Variants in CAMK1D observed in about 807,000 individuals in gnomAD.
CAMK1D encodes calcium/calmodulin-dependent protein kinase type 1D.
In CAMK1D, 9 loss-of-function variants were observed where a neutral mutation model predicts 47.7. The ratio of observed to expected loss-of-function variants is 0.19; its 90% confidence interval spans 0.11 to 0.33. The LOEUF is 0.33. Among genes scored for constraint, CAMK1D ranks in the 10% least tolerant of loss-of-function variants. The pLI is 1.00. For missense variants in CAMK1D, 291 were observed against 488.7 expected (o/e 0.60, Z 3.81); for synonymous variants, 184 against 184.9 (o/e 0.99, Z 0.04).
chr10:12,502,048 A>G (rs753143633), intron 1 of CAMK1D, among the ~76,000 whole-genome samples: 4 of 146,796 alleles, frequency 2.7e-5, no homozygotes, highest in African/African-American at 4.9e-5. Context: ...GGCAGCCACC[A>G]GGGCAGGCAG....
At chr10:12,812,851 G>T (rs77331449) in intron 6 of CAMK1D, among the ~76,000 whole-genome samples, 1 of 152,266 alleles carries the variant, frequency 6.6e-6, no homozygotes, top group African/African-American at 2.4e-5. Flanking sequence ...GTTTTAGCCA[G>T]CCAAACTGAA....
intron 1 of CAMK1D, among the ~76,000 whole-genome samples, chr10:12,415,491 G>A (rs1441364265): frequency 7.2e-6 from 1 of 139,412 alleles, no homozygotes; most frequent in Non-Finnish European, 1.5e-5. Context: ...GTAGAGATGA[G>A]GTTTCACCAT....
intron 1 of CAMK1D, among the ~76,000 whole-genome samples, chr10:12,427,407 G>T (rs966934818): frequency 6.6e-6 from 1 of 152,058 alleles, no homozygotes; most frequent in Non-Finnish European, 1.5e-5. Context: ...GGAAGAATCC[G>T]CCGATCTCTC....
chr10:12,412,050 G>C (rs185176139), intron 1 of CAMK1D, among the ~76,000 whole-genome samples: 1 of 152,338 alleles, frequency 6.6e-6, no homozygotes, highest in African/African-American at 2.4e-5. Flanking sequence ...TTTCTCAGGT[G>C]ACAACTGGCC....
At chr10:12,419,755 A>G (rs1329803679) in intron 1 of CAMK1D, among the ~76,000 whole-genome samples, 1 of 152,048 alleles carries the variant, frequency 6.6e-6, no homozygotes, top group African/African-American at 2.4e-5. Context: ...AGGACTTTGT[A>G]TATGTTGGGT....
chr10:12,662,469 G>A lies in CAMK1D; in HGVS notation c.225-4267G>A, dbSNP rs1458531064. On this transcript the variant is annotated intron_variant, in intron 2 of 10. Transcript: ENST00000619168. Reference sequence around the variant, plus strand: ...GGATGGAGACCATCCTGACTAACGCGGTGAAACCCTGTCTCTACTAAAAAT... The same window carrying A: ...GGATGGAGACCATCCTGACTAACGCAGTGAAACCCTGTCTCTACTAAAAAT... Among the ~76,000 whole-genome samples the A allele has an allele frequency of 4.6e-5, 7 of 152,106 alleles. No homozygotes were observed. The East Asian group carries it at 7.7e-4, about 17-fold the overall frequency.
chr10:12,415,490 A>G (rs1370092591), intron 1 of CAMK1D, among the ~76,000 whole-genome samples: 3 of 124,294 alleles, frequency 2.4e-5, no homozygotes, highest in East Asian at 5.1e-4. Flanking sequence ...AGTAGAGATG[A>G]GGTTTCACCA....
chr10:12,795,736 T>TC (rs1838170769), intron 6 of CAMK1D, among the ~76,000 whole-genome samples: 1 of 152,206 alleles, frequency 6.6e-6, no homozygotes, highest in Admixed American at 6.5e-5. Context: ...TCTTTTGGTC[T>TC]CCATTTATCT....
intron 1 of CAMK1D, among the ~76,000 whole-genome samples, chr10:12,382,397 C>G (rs1838370797): frequency 6.6e-6 from 1 of 151,720 alleles, no homozygotes; most frequent in Admixed American, 6.6e-5. Context: ...TGTGGGTGAG[C>G]CTGACGCATG....
At chr10:12,782,638 AG>A (rs1320967038) in intron 5 of CAMK1D, among the ~76,000 whole-genome samples, 6 of 152,140 alleles carry the variant, frequency 3.9e-5, no homozygotes, top group South Asian at 2.1e-4. Flanking sequence ...CCCCACCAGC[AG>A]GGGGGGCATC....
intron 6 of CAMK1D, among the ~76,000 whole-genome samples, chr10:12,794,856 A>G (rs769422646): frequency 9.9e-5 from 15 of 152,186 alleles, no homozygotes; most frequent in Non-Finnish European, 1.5e-4. Context: ...ACACGACTGC[A>G]CTTGGAGTAC....
At chr10:12,349,984 G>A in intron 1 of CAMK1D, 74 bp downstream of exon 1, 5 of 719,182 alleles carry the variant, frequency 7.0e-6, no homozygotes, top group South Asian at 2.1e-5. Flanking sequence ...AGCTGCCGCC[G>A]CCGCCACTAC....
At chr10:12,767,032 C>T (rs11257979) in intron 4 of CAMK1D, among the ~76,000 whole-genome samples, 8,723 of 152,202 alleles carry the variant, frequency 0.057, 380 homozygotes, top group East Asian at 0.086. Context: ...CATCTCAGAC[C>T]CGCTGAAGGG....
intron 2 of CAMK1D, among the ~76,000 whole-genome samples, chr10:12,600,740 G>A (rs1480861831): frequency 6.6e-6 from 1 of 152,110 alleles, no homozygotes; most frequent in Non-Finnish European, 1.5e-5. Flanking sequence ...CATGTACATT[G>A]TACCCATTAA....
chr10:12,714,605 T>C (rs1203572468), intron 3 of CAMK1D, among the ~76,000 whole-genome samples: 2 of 151,944 alleles, frequency 1.3e-5, no homozygotes, highest in Non-Finnish European at 2.9e-5. Flanking sequence ...TGTAATCTCA[T>C]CTACTCAGGA....
At chr10:12,596,103 A>G (rs556809228) in intron 2 of CAMK1D, among the ~76,000 whole-genome samples, 1 of 152,268 alleles carries the variant, frequency 6.6e-6, no homozygotes, top group African/African-American at 2.4e-5. Flanking sequence ...GACATAGCCC[A>G]GGAAGACCCA....
At chr10:12,470,276 A>G (rs1177539194) in intron 1 of CAMK1D, among the ~76,000 whole-genome samples, 1 of 152,184 alleles carries the variant, frequency 6.6e-6, no homozygotes, top group Non-Finnish European at 1.5e-5. Flanking sequence ...TGTATGATAT[A>G]TAAAGACTTG....
At chr10:12,497,698 A>G (rs1457797200) in intron 1 of CAMK1D, among the ~76,000 whole-genome samples, 1 of 152,208 alleles carries the variant, frequency 6.6e-6, no homozygotes, top group African/African-American at 2.4e-5. Context: ...AGCCTGATTC[A>G]TGAAAATTGA....
At chr10:12,709,810 T>A (rs766301259) in intron 3 of CAMK1D, among the ~76,000 whole-genome samples, 5 of 152,238 alleles carry the variant, frequency 3.3e-5, no homozygotes, top group Non-Finnish European at 5.9e-5. Flanking sequence ...TTTGTTTAAC[T>A]TTTTTATTAT....
Sources: gnomAD v4.1 joint callset for allele counts (sites outside exome capture counted in the v4.1 genomes callset) on GRCh38, gnomAD v4.1.1 for gene constraint, MANE v1.5 for transcripts, NCBI Gene and HGNC (gene_info 2026-07-23, HGNC 2026-07-21) for gene names.